The following RIN3 variants were observed in gnomAD, a reference collection of about 807,000 sequenced individuals.
RIN3 encodes the protein RAB5 interacting protein 3.
Under a neutral mutation model 76.3 loss-of-function variants are expected in RIN3, and 54 were observed. The ratio of observed to expected loss-of-function variants is 0.71; its 90% CI spans 0.57 to 0.89. RIN3 has a LOEUF of 0.89. Ranked by LOEUF, RIN3 falls within the 40% of genes least tolerant of loss-of-function variation. The probability of loss-of-function intolerance (pLI) is 0.00; values close to 1 mark genes in which losing one functional copy is unlikely to be tolerated. For missense variants in RIN3, 1,256 were observed against 1,322.1 expected, an observed-to-expected ratio of 0.95 and a Z score of 0.78; for synonymous variants, 576 against 564.0, an observed-to-expected ratio of 1.02 and a Z score of -0.30.
chr14:92,620,911 G>C (rs1471194125), intron 4 of RIN3, among the ~76,000 whole-genome samples: 3 of 152,206 alleles, frequency 2.0e-5, no homozygotes, highest in Non-Finnish European at 4.4e-5. Flanking sequence ...ATGCAAAAGA[G>C]TAAACATAGT....
At chr14:92,519,835 T>A (rs1411781377) in intron 1 of RIN3, among the ~76,000 whole-genome samples, 1 of 152,118 alleles carries the variant, frequency 6.6e-6, no homozygotes, top group Non-Finnish European at 1.5e-5. Context: ...GACGGGTACA[T>A]GGGAGGCCTT....
chr14:92,648,426 G>A lies in RIN3; in HGVS notation c.533-3156G>A, dbSNP rs112924021. Among the ~76,000 whole-genome samples the A allele has an allele frequency of 0.014, 2,067 of 152,322 alleles. 55 individuals carry two copies. The highest frequency in any genetic ancestry group is 0.047 in the African/African-American group (1,969 of 41,574). ...CATCCTGTCCCGTGGCAGGCTGCCC[G>A]GCTGGTGGCCCATCCGTTTACGGGG... On this transcript the variant is annotated intron_variant, in intron 5 of 9. Coordinates refer to ENST00000216487, the MANE Select transcript of RIN3 (RefSeq NM_024832.5). This position sits in a 1 kb window ranked among gnomAD's most constrained non-coding sequence, Gnocchi z 4.1.
Position 92,523,387 on chromosome 14 carries a change from C to T in RIN3, c.44+9411C>T, listed in dbSNP as rs550988999. On this transcript the variant is annotated intron_variant, in intron 1 of 9. Transcript: ENST00000216487. ...CTGGCCTCCCAAAGTGCTGGGATTA[C>T]AGGCGTGAGCCACCGTGCCTAGCCA... Among the ~76,000 whole-genome samples the T allele has an allele frequency of 1.2e-4, 19 of 152,356 alleles. No individual in the cohort carries two copies. In the East Asian group the frequency reaches 2.3e-3, roughly 19 times the overall value.
In RIN3 at chr14:92,643,406, C is replaced by T. The variant is rs980468568; in HGVS notation, c.532+2077C>T. On this transcript the variant is annotated intron_variant, in intron 5 of 9. Coordinates refer to ENST00000216487, the MANE Select transcript of RIN3 (RefSeq NM_024832.5). The surrounding 1 kb of genome is among the most constrained non-coding windows in gnomAD (Gnocchi z 4.8). ...AGGTCTAATTTACCCAGTTATAACC[C>T]TAAGGGCAAGTTTTCAGTTGCTTTT... 1.3e-5 allele frequency among the ~76,000 whole-genome samples: 2 copies of T among 152,180 alleles called. No homozygotes were observed. Among genetic ancestry groups the T allele is most frequent in the African/African-American group, 4.8e-5 (2 of 41,426 alleles).
At chr14:92,564,832 G>C (rs528599365) in intron 2 of RIN3, among the ~76,000 whole-genome samples, 1 of 152,220 alleles carries the variant, frequency 6.6e-6, no homozygotes, top group Non-Finnish European at 1.5e-5. Flanking sequence ...ACACGCGCGC[G>C]CGCAGGAACA....
intron 2 of RIN3, 101 bp from the exon 3 acceptor site, chr14:92,577,259 C>T: frequency 1.3e-6 from 1 of 750,000 alleles, no homozygotes. Flanking sequence ...CCTGCCTCAT[C>T]ATTTCAGGAA....
In RIN3 at chr14:92,514,304, G is replaced by GGCCCCCTCCCTGGCGTCT. The variant is rs1896375884; in HGVS notation, c.44+334_44+351dup. ...GCGCCGGGGCTGCCCGCGTGGACGCGGCCCCCTCCCTGGCGTCTGCCCCGC... is the reference window on the plus strand; with the variant it reads ...GCGCCGGGGCTGCCCGCGTGGACGCGGCCCCCTCCCTGGCGTCTGCCCCCTCCCTGGCGTCTGCCCCGC... On this transcript the variant is annotated intron_variant, in intron 1 of 9. Transcript: ENST00000216487. The surrounding 1 kb of genome is among the most constrained non-coding windows in gnomAD (Gnocchi z 7.2). 6.6e-6 allele frequency among the ~76,000 whole-genome samples: 1 copy of GGCCCCCTCCCTGGCGTCT among 152,230 alleles called. No individual in the cohort carries two copies. The highest frequency in any genetic ancestry group is 2.1e-4 in the South Asian group (1 of 4,838).
At chr14:92,610,185 C>T (rs1005544507) in intron 3 of RIN3, among the ~76,000 whole-genome samples, 9 of 152,064 alleles carry the variant, frequency 5.9e-5, no homozygotes, top group African/African-American at 1.9e-4. Context: ...TGTGTAGCAG[C>T]GTGAATGTAC....
intron 3 of RIN3, among the ~76,000 whole-genome samples, chr14:92,590,522 A>G (rs1358051142): frequency 6.6e-6 from 1 of 152,212 alleles, no homozygotes; most frequent in African/African-American, 2.4e-5. Context: ...ACCTTCCACC[A>G]TAATTGAAAG....
chr14:92,558,174 C>T (rs1897654141), intron 2 of RIN3, among the ~76,000 whole-genome samples: 1 of 152,158 alleles, frequency 6.6e-6, no homozygotes, highest in African/African-American at 2.4e-5. Context: ...CATGGCGAGA[C>T]CCCGTCTCTA....
chr14:92,660,304 T>C (rs1367563083), intron 7 of RIN3, among the ~76,000 whole-genome samples: 1 of 151,830 alleles, frequency 6.6e-6, no homozygotes, highest in African/African-American at 2.4e-5. Flanking sequence ...TAGTCTGGGA[T>C]GGCGTTGCTC....
intron 3 of RIN3, among the ~76,000 whole-genome samples, chr14:92,614,979 G>A (rs893115894): frequency 1.3e-5 from 2 of 151,552 alleles, no homozygotes; most frequent in African/African-American, 2.4e-5. Flanking sequence ...AAGTAGCTGG[G>A]ATTACAGGTG....
At chr14:92,534,317 C>T (rs1463659657) in intron 1 of RIN3, among the ~76,000 whole-genome samples, 2 of 149,698 alleles carry the variant, frequency 1.3e-5, no homozygotes, top group Admixed American at 6.7e-5. Context: ...TGGTGGCTCA[C>T]GCCTATAATC....
intron 4 of RIN3, among the ~76,000 whole-genome samples, chr14:92,616,771 T>C (rs749637751): frequency 1.3e-4 from 20 of 152,150 alleles, no homozygotes; most frequent in Non-Finnish European, 2.4e-4. Context: ...ATGGTCTCTA[T>C]GCGAGAGGAA....
At chr14:92,637,106 C>T (rs535392407) in intron 4 of RIN3, among the ~76,000 whole-genome samples, 6 of 151,948 alleles carry the variant, frequency 3.9e-5, no homozygotes, top group Admixed American at 6.6e-5. Flanking sequence ...ATGATTCAAG[C>T]GCATTACGTT....
chr14:92,555,663 G>A, intron 1 of RIN3, 88 bp from the exon 2 acceptor site: 2 of 1,263,164 alleles, frequency 1.6e-6, no homozygotes, highest in Non-Finnish European at 1.1e-6. Context: ...TGCTGAATAA[G>A]TAAGCGTGGC....
chr14:92,577,252 G>T, intron 2 of RIN3, 108 bp from the exon 3 acceptor site: 2 of 707,146 alleles, frequency 2.8e-6, no homozygotes, highest in Non-Finnish European at 5.1e-6. Flanking sequence ...TCCCTAGCCT[G>T]CCTCATCATT....
chr14:92,666,686 C>T (rs1038899417), intron 7 of RIN3, among the ~76,000 whole-genome samples: 4 of 152,194 alleles, frequency 2.6e-5, no homozygotes, highest in African/African-American at 9.7e-5. Flanking sequence ...TCCTTGATGT[C>T]TAAGACTAGT....
chr14:92,687,849 G>T (rs1278000554), intron 9 of RIN3, 77 bp from the exon 10 acceptor site: 1 of 1,318,768 alleles, frequency 7.6e-7, no homozygotes, highest in East Asian at 2.8e-5. Context: ...ATCCATCCAG[G>T]GAGGGGCCTG....
Sources: allele counts gnomAD v4.1 joint callset (sites outside exome capture counted in the v4.1 genomes callset), GRCh38; gene constraint gnomAD v4.1.1; non-coding constraint Gnocchi (gnomAD v3.1); transcripts MANE v1.5; gene names NCBI Gene and HGNC (gene_info 2026-07-23, HGNC 2026-07-21).